The following NREP variants were observed in gnomAD, a reference collection of about 807,000 sequenced individuals.
The protein encoded by NREP is neuronal regeneration-related protein.
A neutral mutation model predicts 8.6 loss-of-function variants in NREP; 5 were observed. The observed-to-expected ratio is 0.58, with a 90% confidence interval of 0.30 to 1.22. NREP has a LOEUF of 1.22. NREP is among the 50% of genes most tolerant of loss of function. The pLI is 0.07. For missense variants in NREP, 86 were observed against 82.5 expected (o/e 1.04, Z -0.17); for synonymous variants, 27 against 28.0 (o/e 0.96, Z 0.11).
chr5:111,965,457 T>G (rs377052512), intron 2 of NREP, among the ~76,000 whole-genome samples: 1 of 152,174 alleles, frequency 6.6e-6, no homozygotes, highest in Non-Finnish European at 1.5e-5. Flanking sequence ...ATTTTTATTA[T>G]GAAAAATGAA....
At chr5:111,858,454 T>G (rs1304935980) in intron 2 of NREP, among the ~76,000 whole-genome samples, 1 of 152,172 alleles carries the variant, frequency 6.6e-6, no homozygotes, top group Admixed American at 6.6e-5. Flanking sequence ...GTTCAGCTTT[T>G]GACTGAAAGG....
At chr5:111,760,619 A>G (rs1307512801), upstream of NREP, among the ~76,000 whole-genome samples, 1 of 152,146 alleles carries the variant, frequency 6.6e-6, no homozygotes, top group Non-Finnish European at 1.5e-5. Flanking sequence ...TTGCTAAGGG[A>G]GGTGAGGCCT....
intron 2 of NREP, among the ~76,000 whole-genome samples, chr5:111,762,828 T>C (rs554133757): frequency 6.6e-5 from 10 of 152,302 alleles, no homozygotes; most frequent in South Asian, 6.2e-4. Context: ...GCAGCAAACA[T>C]GTGGAAGAGT....
At chr5:111,949,130 C>T (rs928771573) in intron 2 of NREP, 1 of 151,980 alleles carries the variant, frequency 6.6e-6, no homozygotes, top group Admixed American at 6.6e-5. Flanking sequence ...CAATCTATTC[C>T]AATCACAAAT....
At chr5:111,952,968 A>C (rs978172609) in intron 2 of NREP, among the ~76,000 whole-genome samples, 1 of 152,118 alleles carries the variant, frequency 6.6e-6, no homozygotes, top group South Asian at 2.1e-4. Context: ...CATTATTTGC[A>C]TCATGAAGAC....
intron 2 of NREP, among the ~76,000 whole-genome samples, chr5:111,807,965 G>T (rs989870432): frequency 6.6e-6 from 1 of 152,122 alleles, no homozygotes; most frequent in Non-Finnish European, 1.5e-5. Context: ...TCTCAATTCA[G>T]TTAAATAAGG....
At chr5:111,895,560 G>T (rs916557740) in intron 2 of NREP, among the ~76,000 whole-genome samples, 1 of 152,034 alleles carries the variant, frequency 6.6e-6, no homozygotes, top group African/African-American at 2.4e-5. Context: ...TGAGGGAGAG[G>T]ATAGTATGGG....
intron 2 of NREP, among the ~76,000 whole-genome samples, chr5:111,847,343 T>C (rs1228323974): frequency 3.9e-5 from 6 of 152,122 alleles, no homozygotes; most frequent in African/African-American, 1.4e-4. Context: ...TTTTTCTTTT[T>C]GTAGGGGAAT....
chr5:111,924,886 G>A (rs1755342212), intron 2 of NREP, among the ~76,000 whole-genome samples: 1 of 152,108 alleles, frequency 6.6e-6, no homozygotes, highest in South Asian at 2.1e-4. Context: ...CTGTCCTGGG[G>A]CCATAAGGAT....
intron 2 of NREP, among the ~76,000 whole-genome samples, chr5:111,951,663 T>C (rs1756163534): frequency 6.6e-6 from 1 of 152,122 alleles, no homozygotes; most frequent in African/African-American, 2.4e-5. Context: ...CAAATGTTTC[T>C]AAATATTCTC....
intron 2 of NREP, among the ~76,000 whole-genome samples, chr5:111,780,050 G>T (rs748281278): frequency 3.3e-5 from 5 of 152,002 alleles, no homozygotes; most frequent in African/African-American, 4.8e-5. Flanking sequence ...CAATGCAGAG[G>T]GGGAAATTGT....
intron 2 of NREP, among the ~76,000 whole-genome samples, chr5:111,883,634 C>T (rs895978048): frequency 2.0e-5 from 3 of 152,174 alleles, no homozygotes; most frequent in African/African-American, 7.2e-5. Flanking sequence ...TCTCAGACCA[C>T]AGTGCAATCA....
At chr5:111,926,121 AT>A (rs1189150747) in intron 2 of NREP, among the ~76,000 whole-genome samples, 4 of 151,954 alleles carry the variant, frequency 2.6e-5, no homozygotes, top group Non-Finnish European at 4.4e-5. Context: ...GTCTCCTTTT[AT>A]TTGTCTAAGG....
chr5:111,845,008 T>A (rs750268314), intron 2 of NREP, among the ~76,000 whole-genome samples: 19 of 152,232 alleles, frequency 1.2e-4, no homozygotes, highest in South Asian at 2.1e-4. Flanking sequence ...AGAACTGGTC[T>A]CTGGGACTCT....
At chr5:111,738,310 CCTTTGGTATTCCGCAAGGGCCTGAA>C (rs1749336931) in intron 2 of NREP, 1 of 152,182 alleles carries the variant, frequency 6.6e-6, no homozygotes, top group Non-Finnish European at 1.5e-5. Flanking sequence ...TCAGACCTGA[CCTTTGGTATTCCGCAAGGGCCTGAA>C]CTTCCATTCC....
At chr5:111,955,172 G>A (rs1756273786) in intron 2 of NREP, among the ~76,000 whole-genome samples, 1 of 152,128 alleles carries the variant, frequency 6.6e-6, no homozygotes, top group African/African-American at 2.4e-5. Flanking sequence ...AAAGGTTATG[G>A]TGAGAGCCAG....
intron 1 of NREP, 98 bp from the exon 2 acceptor site, chr5:111,755,928 T>C (rs907288510): frequency 3.0e-5 from 47 of 1,541,276 alleles, no homozygotes; most frequent in Admixed American, 3.9e-5. Flanking sequence ...AACCATTTTC[T>C]GTGGTTAAGA....
intron 2 of NREP, among the ~76,000 whole-genome samples, chr5:111,889,972 G>A (rs979846513): frequency 2.0e-5 from 3 of 152,056 alleles, no homozygotes; most frequent in African/African-American, 7.3e-5. Flanking sequence ...AGTTAGGGTG[G>A]GACAGGAACA....
At chr5:111,735,994 C>T (rs1227467604) in intron 2 of NREP, among the ~76,000 whole-genome samples, 1 of 152,174 alleles carries the variant, frequency 6.6e-6, no homozygotes, top group Non-Finnish European at 1.5e-5. Context: ...ACACATTCTG[C>T]CCAGCTGCCT....
Sources: gnomAD v4.1 joint callset for allele counts (sites outside exome capture counted in the v4.1 genomes callset) on GRCh38, gnomAD v4.1.1 for gene constraint, MANE v1.5 for transcripts, NCBI Gene and HGNC (gene_info 2026-07-23, HGNC 2026-07-21) for gene names.